The following CNTN4 variants were observed in gnomAD, a reference collection of about 807,000 sequenced individuals.
CNTN4 encodes contactin-4.
A neutral mutation model predicts 122.5 loss-of-function variants in CNTN4; 77 were observed. The ratio of observed to expected loss-of-function variants is 0.63; its 90% CI spans 0.52 to 0.76. CNTN4 has a LOEUF of 0.76. Ranked by LOEUF, CNTN4 falls within the 30% of genes least tolerant of loss-of-function variation. The pLI, the probability that CNTN4 is intolerant of heterozygous loss-of-function variation, is 0.00. For missense variants in CNTN4, 1,256 were observed against 1,259.1 expected, an observed-to-expected ratio of 1.00 and a Z score of 0.04; for synonymous variants, 512 against 447.0, an observed-to-expected ratio of 1.15 and a Z score of -1.83.
chr3:2,185,327 C>T (rs1040297527), intron 2 of CNTN4, among the ~76,000 whole-genome samples: 17 of 152,120 alleles, frequency 1.1e-4, no homozygotes, highest in Non-Finnish European at 1.5e-5. Flanking sequence ...AAGTGCTTTC[C>T]CTCTAGTGTG....
At chr3:2,282,048 T>C (rs2041734612) in intron 2 of CNTN4, among the ~76,000 whole-genome samples, 1 of 152,190 alleles carries the variant, frequency 6.6e-6, no homozygotes, top group African/African-American at 2.4e-5. Context: ...CTTTGAAATT[T>C]TCTTATTTTC....
At chr3:2,547,772 C>T (rs191017494) in intron 3 of CNTN4, among the ~76,000 whole-genome samples, 1 of 152,134 alleles carries the variant, frequency 6.6e-6, no homozygotes, top group African/African-American at 2.4e-5. Flanking sequence ...AACCATGAAA[C>T]AAAGTGAATT....
chr3:2,869,566 C>T (rs2093761990), intron 8 of CNTN4, among the ~76,000 whole-genome samples: 2 of 152,118 alleles, frequency 1.3e-5, no homozygotes, highest in South Asian at 4.1e-4. Context: ...ATTTGTAAAA[C>T]CAAATACATA....
intron 4 of CNTN4, among the ~76,000 whole-genome samples, chr3:2,684,047 A>C (rs1283075683): frequency 2.0e-5 from 3 of 152,146 alleles, no homozygotes; most frequent in African/African-American, 7.2e-5. Flanking sequence ...GGAATAGTGG[A>C]GGGGAACACT....
intron 2 of CNTN4, among the ~76,000 whole-genome samples, chr3:2,300,480 G>T (rs2042463777): frequency 7.0e-6 from 1 of 143,448 alleles, no homozygotes; most frequent in Non-Finnish European, 1.5e-5. Flanking sequence ...AGCTAAAATA[G>T]TTAACAGTCT....
intron 4 of CNTN4, among the ~76,000 whole-genome samples, chr3:2,597,756 A>G (rs966014371): frequency 6.6e-6 from 1 of 152,150 alleles, no homozygotes; most frequent in Admixed American, 6.5e-5. Flanking sequence ...GGACTTTCTC[A>G]AGCCTGAGGT....
intron 3 of CNTN4, among the ~76,000 whole-genome samples, chr3:2,569,564 T>C (rs1356100998): frequency 6.6e-6 from 1 of 152,176 alleles, no homozygotes; most frequent in East Asian, 1.9e-4. Context: ...AAAGCTAAAA[T>C]AACAAGTTGA....
chr3:2,658,823 A>G (rs1479535632), intron 4 of CNTN4, among the ~76,000 whole-genome samples: 3 of 152,098 alleles, frequency 2.0e-5, no homozygotes, highest in Admixed American at 6.6e-5. Flanking sequence ...TTTATAATGA[A>G]GCTCACTCTA....
intron 3 of CNTN4, among the ~76,000 whole-genome samples, chr3:2,519,567 A>G (rs1306110829): frequency 6.6e-6 from 1 of 152,184 alleles, no homozygotes; most frequent in Non-Finnish European, 1.5e-5. Context: ...TGGCAGCCAG[A>G]TAACCCAGAA....
chr3:2,897,526 G>T (rs1259012129), intron 10 of CNTN4, among the ~76,000 whole-genome samples: 1 of 151,966 alleles, frequency 6.6e-6, no homozygotes, highest in East Asian at 1.9e-4. Context: ...GATACAGGTT[G>T]AGTATCTCTT....
intron 2 of CNTN4, among the ~76,000 whole-genome samples, chr3:2,312,819 G>A (rs746367014): frequency 6.6e-6 from 1 of 151,970 alleles, no homozygotes; most frequent in Non-Finnish European, 1.5e-5. Flanking sequence ...GTTTTTACGT[G>A]TATGTTTCTG....
intron 4 of CNTN4, among the ~76,000 whole-genome samples, chr3:2,692,508 T>A (rs1424694373): frequency 1.3e-5 from 2 of 152,166 alleles, no homozygotes; most frequent in Non-Finnish European, 2.9e-5. Context: ...CTTTTGCATC[T>A]TTTTTAGTAT....
At chr3:2,630,488 A>G (rs576735563) in intron 4 of CNTN4, among the ~76,000 whole-genome samples, 1 of 152,338 alleles carries the variant, frequency 6.6e-6, no homozygotes, top group Admixed American at 6.5e-5. Flanking sequence ...TATCTATCTT[A>G]CTAAAACATA....
At chr3:2,575,809 C>CTTTTTTTTTTTTTTTTTTTTTT (rs56303805) in intron 4 of CNTN4, among the ~76,000 whole-genome samples, 4 of 101,250 alleles carry the variant, frequency 4.0e-5, no homozygotes, top group African/African-American at 1.5e-4. Flanking sequence ...TCTTCTTCTT[C>CTTTTTTTTTTTTTTTTTTTTTT]TTTTTTTTTT....
chr3:2,472,528 T>A (rs1312581398), intron 3 of CNTN4, among the ~76,000 whole-genome samples: 1 of 152,138 alleles, frequency 6.6e-6, no homozygotes, highest in Non-Finnish European at 1.5e-5. Context: ...CATGAGTCAC[T>A]GCACCTGGCC....
chr3:2,690,973 C>A (rs1308460415), intron 4 of CNTN4, among the ~76,000 whole-genome samples: 2 of 152,110 alleles, frequency 1.3e-5, no homozygotes, highest in Admixed American at 6.6e-5. Context: ...CCGTCAATGC[C>A]CTAGCCCTAG....
At chr3:2,429,920 G>A (rs143257012) in intron 3 of CNTN4, among the ~76,000 whole-genome samples, 1 of 152,250 alleles carries the variant, frequency 6.6e-6, no homozygotes, top group Non-Finnish European at 1.5e-5. Context: ...CATTGGAAAA[G>A]TGCAGTATTA....
intron 3 of CNTN4, among the ~76,000 whole-genome samples, chr3:2,354,537 A>G (rs918441075): frequency 4.6e-5 from 7 of 152,338 alleles, no homozygotes; most frequent in Admixed American, 1.3e-4. Context: ...ATCAGAAAAG[A>G]AAAACCTGAA....
At chr3:2,438,367 C>CA (rs1392693995) in intron 3 of CNTN4, among the ~76,000 whole-genome samples, 1 of 152,076 alleles carries the variant, frequency 6.6e-6, no homozygotes, top group African/African-American at 2.4e-5. Context: ...ACTGAAAATA[C>CA]AAAAATTAGC....
Sources: allele counts gnomAD v4.1 joint callset (sites outside exome capture counted in the v4.1 genomes callset), GRCh38; gene constraint gnomAD v4.1.1; transcripts MANE v1.5; gene names NCBI Gene and HGNC (gene_info 2026-07-23, HGNC 2026-07-21).